SLC25A29: variants seen among roughly 807,000 people sequenced by gnomAD.
The protein encoded by SLC25A29 is mitochondrial basic amino acids transporter.
Under a neutral mutation model 10.0 loss-of-function variants are expected in SLC25A29, and 13 were observed. That is an observed-to-expected ratio of 1.30 (90% CI 0.85 to 2.07). SLC25A29 has a LOEUF of 2.07. SLC25A29 is among the 30% of genes most tolerant of loss of function. The probability of loss-of-function intolerance (pLI) is 0.00; values close to 1 mark genes in which losing one functional copy is unlikely to be tolerated. For missense variants in SLC25A29, 475 were observed against 447.6 expected (o/e 1.06, Z -0.55); for synonymous variants, 244 against 221.1 (o/e 1.10, Z -0.92).
At chr14:100,287,088 G>A (rs1272890305), downstream of SLC25A29, among the ~76,000 whole-genome samples, 1 of 152,262 alleles carries the variant, frequency 6.6e-6, no homozygotes, top group African/African-American at 2.4e-5. Context: ...GGCTGGTGAA[G>A]GTCCCAGGTC....
At chr14:100,283,223 C>A in the SLC25A29 span, among the ~76,000 whole-genome samples, 3 of 152,254 alleles carry the variant, frequency 2.0e-5, no homozygotes, top group Admixed American at 6.5e-5. Flanking sequence ...CTTCCTCCCT[C>A]TGGTTGGGGC....
chr14:100,293,562 G>A (rs147897098), intron 2 of SLC25A29, 185 bp from the exon 3 acceptor site: 2 of 599,298 alleles, frequency 3.3e-6, no homozygotes, highest in Non-Finnish European at 6.0e-6. Flanking sequence ...TGGGGTGCCA[G>A]TAGGCAAACA....
At chr14:100,290,110 A>G (rs2139646622), downstream of SLC25A29, among the ~76,000 whole-genome samples, 1 of 152,346 alleles carries the variant, frequency 6.6e-6, no homozygotes, top group East Asian at 1.9e-4. Context: ...AGCAGGGCTC[A>G]AATTAGTTCC....
intron 3 of SLC25A29, 109 bp downstream of exon 3, chr14:100,293,185 T>C: frequency 6.8e-7 from 1 of 1,475,314 alleles, no homozygotes; most frequent in Non-Finnish European, 9.1e-7. Context: ...ACTGGCCTCC[T>C]GGTCGTCCTG....
At chr14:100,304,515 C>A (rs1216711352) in intron 1 of SLC25A29, among the ~76,000 whole-genome samples, 1 of 152,218 alleles carries the variant, frequency 6.6e-6, no homozygotes, top group Non-Finnish European at 1.5e-5. Context: ...GCTTGTAGAG[C>A]CTTAGCTGGG....
At chr14:100,288,447 C>G (rs1164846424), downstream of SLC25A29, among the ~76,000 whole-genome samples, 1 of 148,666 alleles carries the variant, frequency 6.7e-6, no homozygotes, top group Admixed American at 6.7e-5. Context: ...TACTGAAGCC[C>G]AGATCAAGTT....
At chr14:100,286,207 A>G (rs1001045158), downstream of SLC25A29, among the ~76,000 whole-genome samples, 2 of 151,998 alleles carry the variant, frequency 1.3e-5, no homozygotes, top group African/African-American at 4.8e-5. Flanking sequence ...TCACCCATTC[A>G]TTCACTCATT....
chr14:100,292,699 C>G lies in SLC25A29; in HGVS notation c.496G>C (p.Gly166Arg). Residue 166 changes from glycine (G) to arginine (R), a missense_variant, in exon 4 of 4, where the codon GGC (glycine) becomes CGC (arginine). Physicochemically the swap from Gly to Arg is moderately radical, Grantham distance 125. Coordinates refer to ENST00000359232, the MANE Select transcript of SLC25A29 (RefSeq NM_001039355.3). ...STLLRETPSFGVYFLTYDALT... is the reference protein window; with the variant it reads ...STLLRETPSFRVYFLTYDALT... ...GCGTCATAGGTGAGGAAGTAGACGC[C>G]GAAGCTGGGCGTCTCACGCAGCAAC... 6 of 1,602,472 alleles carry G rather than the reference C, an allele frequency of 3.7e-6. No individual in the cohort carries two copies. The highest frequency in any genetic ancestry group is 5.1e-6 in the Non-Finnish European group (6 of 1,175,790).
chr14:100,303,291 C>T (rs1397979963), intron 1 of SLC25A29, among the ~76,000 whole-genome samples: 1 of 152,238 alleles, frequency 6.6e-6, no homozygotes, highest in East Asian at 1.9e-4. Flanking sequence ...CTTCTCCCTC[C>T]AGCAGGGGGC....
At position 100,292,824 on chromosome 14, in the gene SLC25A29, T is replaced by C; in HGVS notation, c.371A>G (p.Asp124Gly). 1.3e-6 allele frequency: 2 copies of C among 1,591,688 alleles called. No homozygotes were observed. The highest frequency in any genetic ancestry group is 1.1e-5 in the South Asian group (1 of 88,696). ...ELAKTRLQLQ[D>G]AGPARTYKGS... is the part of the protein sequence containing the mutation. ...CTTGTAGGTGCGCGCTGGGCCCGCG[T>C]CCTGCAGCTGCAGCCGCGTCTTGGC... The change falls in exon 4 of 4, where the codon GAC becomes GGC. Residue 124 changes from aspartate to glycine, a missense_variant. Transcript: ENST00000359232.
chr14:100,283,898 G>A, the SLC25A29 span, among the ~76,000 whole-genome samples: 5 of 150,598 alleles, frequency 3.3e-5, no homozygotes, highest in African/African-American at 4.9e-5. Context: ...TTATTTTTTG[G>A]TAAGAGACAG....
At chr14:100,299,973 T>G (rs1892430744) in intron 1 of SLC25A29, 1 of 985,388 alleles carries the variant, frequency 1.0e-6, no homozygotes. Context: ...TATCCATCCT[T>G]TAATACTTTG....
chr14:100,287,467 A>C (rs1220903097), downstream of SLC25A29, among the ~76,000 whole-genome samples: 1 of 151,582 alleles, frequency 6.6e-6, no homozygotes, highest in African/African-American at 2.4e-5. Flanking sequence ...CCTTTCCCTT[A>C]AGGGGTCAAG....
intron 1 of SLC25A29, chr14:100,299,308 T>C (rs750054602): frequency 6.1e-5 from 63 of 1,025,090 alleles, no homozygotes; most frequent in Non-Finnish European, 6.9e-5. Context: ...GATTTGAATT[T>C]TCCCCCTGCC....
chr14:100,300,880 C>T (rs1892493892), intron 1 of SLC25A29, among the ~76,000 whole-genome samples: 1 of 151,790 alleles, frequency 6.6e-6, no homozygotes. Flanking sequence ...GGGAAAATTA[C>T]TATTTATTCC....
At position 100,298,858 on chromosome 14, in the gene SLC25A29, G is replaced by A. The variant is rs748669641; in HGVS notation, c.62C>T (p.Pro21Leu). ...GGVAGVLVGH[P>L]FDTVKVRLQV... The stretch of plus-strand genomic sequence containing the variant: ...GAGACTCACCTTGACCGTGTCAAAC[G>A]GGTGTCCCACAAGCACGCCTGCCAC... The change falls in exon 2 of 4, where the codon CCG becomes CTG. Residue 21 changes from proline (P) to leucine (L), a missense_variant. Physicochemically the swap from Pro to Leu is moderately conservative, Grantham distance 98. Coordinates refer to ENST00000359232, the MANE Select transcript of SLC25A29 (RefSeq NM_001039355.3). The A allele has an allele frequency of 4.3e-6, 7 of 1,614,206 alleles. No individual in the cohort carries two copies. Among genetic ancestry groups the A allele is most frequent in the Non-Finnish European group, 5.1e-6 (6 of 1,180,042 alleles).
At chr14:100,283,025 G>A in the SLC25A29 span, among the ~76,000 whole-genome samples, 1 of 152,354 alleles carries the variant, frequency 6.6e-6, no homozygotes, top group African/African-American at 2.4e-5. Flanking sequence ...AGGAGCAAGA[G>A]GGCGTTTTAA....
At position 100,292,925 on chromosome 14, in the gene SLC25A29, G is replaced by T; in HGVS notation, c.270C>A (p.Asp90Glu). 1 of 1,608,116 alleles carries T rather than the reference G, an allele frequency of 6.2e-7. No homozygotes were observed. The part of the protein sequence containing the change: ...QGNTLRALGH[D>E]SPLNQFLAGA... ...CTGCCAGGAACTGGTTGAGGGGCGAGTCGTGGCCCAGGGCCCGGAGGGTGT... is the reference window on the plus strand; with the variant it reads ...CTGCCAGGAACTGGTTGAGGGGCGATTCGTGGCCCAGGGCCCGGAGGGTGT... The change falls in exon 4 of 4, where the codon GAC (aspartate) becomes GAA (glutamate). Residue 90 changes from aspartate (D) to glutamate (E), a missense_variant. Physicochemically the swap from Asp to Glu is conservative, Grantham distance 45. Transcript: ENST00000359232.
chr14:100,295,413 A>T (rs1230383313), intron 2 of SLC25A29: 3 of 380,266 alleles, frequency 7.9e-6, no homozygotes, highest in Non-Finnish European at 1.5e-5. Context: ...CCAGCTCCCC[A>T]TAGGGCCGAG....
Sources: allele counts gnomAD v4.1 joint callset (sites outside exome capture counted in the v4.1 genomes callset), GRCh38; gene constraint gnomAD v4.1.1; transcripts MANE v1.5; gene names NCBI Gene and HGNC (gene_info 2026-07-23, HGNC 2026-07-21).